ZNF808: variants seen among roughly 807,000 people sequenced by gnomAD.
ZNF808 encodes the protein zinc finger protein 808.
In ZNF808, 5 loss-of-function variants were observed where a neutral mutation model predicts 8.7. That is an observed-to-expected ratio of 0.58 (90% CI 0.30 to 1.21). ZNF808 has a LOEUF of 1.21. ZNF808 is among the 50% of genes most tolerant of loss of function. The pLI, the probability that ZNF808 is intolerant of heterozygous loss-of-function variation, is 0.07. For synonymous variants in ZNF808, 380 were observed against 366.0 expected, an observed-to-expected ratio of 1.04 and a Z score of -0.44; for missense variants, 1,103 against 1,098.4, an observed-to-expected ratio of 1.00 and a Z score of -0.06.
At chr19:52,541,371 A>G (rs2059669063) in intron 2 of ZNF808, among the ~76,000 whole-genome samples, 1 of 151,550 alleles carries the variant, frequency 6.6e-6, no homozygotes, top group Non-Finnish European at 1.5e-5. Context: ...ACCGCTCCTG[A>G]CTGGTCTGGA....
intron 2 of ZNF808, among the ~76,000 whole-genome samples, chr19:52,541,042 C>G (rs548029935): frequency 6.3e-4 from 96 of 152,128 alleles, no homozygotes; most frequent in Non-Finnish European, 1.1e-3. Flanking sequence ...ACCTCTACCT[C>G]CTGGGTTCAA....
At chr19:52,551,372 A>G (rs1415754294) in intron 4 of ZNF808, among the ~76,000 whole-genome samples, 1 of 151,318 alleles carries the variant, frequency 6.6e-6, no homozygotes, top group Non-Finnish European at 1.5e-5. Flanking sequence ...AAAAAAAAAA[A>G]GTTAGCCAGG....
Position 52,554,877 on chromosome 19 carries a change from A to G in ZNF808, c.1961A>G (p.Asn654Ser), listed in dbSNP as rs2059819031. Residue 654 changes from asparagine to serine, a missense_variant, in exon 5 of 5, where the codon AAT becomes AGT. By Grantham distance (46) the Asn-to-Ser change is conservative (BLOSUM62 1). Transcript: ENST00000359798. ...IHTGEKTYKC[N>S]ECGKTFSYKS... ...ACTGGAGAAAAAACTTACAAGTGTA[A>G]TGAGTGTGGGAAGACCTTCAGTTAC... 1.2e-6 allele frequency: 2 copies of G among 1,614,126 alleles called. No homozygotes were observed. Among genetic ancestry groups the G allele is most frequent in the Non-Finnish European group, 8.5e-7 (1 of 1,180,046 alleles).
At chr19:52,551,697 G>A (rs1034569830) in intron 4 of ZNF808, among the ~76,000 whole-genome samples, 1 of 152,034 alleles carries the variant, frequency 6.6e-6, no homozygotes, top group Non-Finnish European at 1.5e-5. Flanking sequence ...CTGACACACT[G>A]CACTCGTTAA....
chr19:52,541,480 C>T (rs1466076079), intron 2 of ZNF808, among the ~76,000 whole-genome samples: 1 of 151,942 alleles, frequency 6.6e-6, no homozygotes, highest in Non-Finnish European at 1.5e-5. Context: ...CAGAGCATCT[C>T]AGAATAACTT....
chr19:52,536,108 T>A (rs656541), intron 2 of ZNF808: 51,357 of 152,864 alleles, frequency 0.34, 9,439 homozygotes, highest in East Asian at 0.52. Context: ...CGTCTGTCCC[T>A]GGAAAGTGGG....
intron 1 of ZNF808, among the ~76,000 whole-genome samples, chr19:52,530,433 G>A (rs1286395150): frequency 1.3e-5 from 2 of 151,610 alleles, no homozygotes; most frequent in Non-Finnish European, 2.9e-5. Context: ...GGAGACAGAG[G>A]TGGGTGGATC....
chr19:52,538,507 G>C (rs1425717995), intron 2 of ZNF808, among the ~76,000 whole-genome samples: 2 of 150,650 alleles, frequency 1.3e-5, no homozygotes, highest in Non-Finnish European at 2.9e-5. Flanking sequence ...ACCATGCCCT[G>C]CTAATTTTGG....
chr19:52,531,189 C>A (rs1349423127), intron 1 of ZNF808, among the ~76,000 whole-genome samples: 1 of 152,068 alleles, frequency 6.6e-6, no homozygotes, highest in East Asian at 1.9e-4. Flanking sequence ...AAGCAGTAGT[C>A]CTGGCCATGT....
At chr19:52,559,849 C>G (rs2059850627), downstream of ZNF808, among the ~76,000 whole-genome samples, 1 of 152,064 alleles carries the variant, frequency 6.6e-6, no homozygotes, top group African/African-American at 2.4e-5. Flanking sequence ...GCCTGAGCCT[C>G]TCGAGTAGCT....
chr19:52,528,835 T>G lies in ZNF808; in HGVS notation c.-122+1124T>G, dbSNP rs142768946. ...GCAGAGATGGGTGAAGAGGCAGAAA[T>G]AGATGGAGATTGAGGACGATTGAAA... On this transcript the variant is annotated intron_variant, in intron 1 of 4. Transcript: ENST00000359798. Among the ~76,000 whole-genome samples, 727 of 150,780 alleles carry G rather than the reference T, an allele frequency of 4.8e-3. 5 individuals carry two copies. Among genetic ancestry groups the G allele is most frequent in the African/African-American group, 0.017 (691 of 40,988 alleles).
downstream of ZNF808, among the ~76,000 whole-genome samples, chr19:52,557,616 G>A (rs994622243): frequency 2.0e-5 from 3 of 152,320 alleles, no homozygotes; most frequent in Middle Eastern, 3.4e-3. Context: ...CAGTTCTACA[G>A]TTGACCTTCT....
At chr19:52,557,270 CTT>C (rs770756121), downstream of ZNF808, among the ~76,000 whole-genome samples, 9 of 142,058 alleles carry the variant, frequency 6.3e-5, no homozygotes, top group Admixed American at 1.4e-4. Context: ...TGCCCCGCCT[CTT>C]TTTTTTTTTT....
rs776294152 is a variant in ZNF808 at position 52,554,754 on chromosome 19, A to G, written c.1838A>G (p.His613Arg). The change falls in exon 5 of 5, where the codon CAT (histidine) becomes CGT (arginine). Residue 613 changes from histidine (H) to arginine (R), a missense_variant. His to Arg is a conservative substitution (Grantham distance 29). Coordinates refer to ENST00000359798, the MANE Select transcript of ZNF808 (RefSeq NM_001039886.4). ...GGTCAGAAATCAGCTCTTGAGTCACATAAGAGAATTCATACTGGAGAGAAA... is the reference window on the plus strand; with the variant it reads ...GGTCAGAAATCAGCTCTTGAGTCACGTAAGAGAATTCATACTGGAGAGAAA... ...VFGQKSALES[H>R]KRIHTGEKPY... The G allele has an allele frequency of 3.7e-6, 6 of 1,613,818 alleles. No homozygotes were observed. The highest frequency in any genetic ancestry group is 5.1e-6 in the Non-Finnish European group (6 of 1,179,922).
At chr19:52,544,784 T>C (rs1279060462) in intron 3 of ZNF808, among the ~76,000 whole-genome samples, 1 of 152,152 alleles carries the variant, frequency 6.6e-6, no homozygotes, top group African/African-American at 2.4e-5. Flanking sequence ...CCAGCTTGGC[T>C]GGACTCTGCA....
intron 1 of ZNF808, among the ~76,000 whole-genome samples, chr19:52,531,125 T>C (rs1278630126): frequency 9.2e-5 from 14 of 152,090 alleles, no homozygotes; most frequent in Admixed American, 7.9e-4. Flanking sequence ...TGACTTGGTC[T>C]CAAAAAAACA....
intron 2 of ZNF808, among the ~76,000 whole-genome samples, chr19:52,538,123 TCA>T (rs1485119631): frequency 6.6e-6 from 1 of 152,014 alleles, no homozygotes; most frequent in Non-Finnish European, 1.5e-5. Flanking sequence ...CGATCCTCCC[TCA>T]GTCTCCTGAG....
exon 4 of ZNF808, chr19:52,564,305 T>A: frequency 3.1e-6 from 2 of 649,382 alleles, no homozygotes. Context: ...GCTGAAAATG[T>A]CACTACCATC....
intron 4 of ZNF808, among the ~76,000 whole-genome samples, chr19:52,551,219 G>T (rs571721918): frequency 6.6e-6 from 1 of 152,084 alleles, no homozygotes; most frequent in Non-Finnish European, 1.5e-5. Flanking sequence ...GGGCGTTTTG[G>T]TATGCACCTG....
Sources: gnomAD v4.1 joint callset for allele counts (sites outside exome capture counted in the v4.1 genomes callset) on GRCh38, gnomAD v4.1.1 for gene constraint, MANE v1.5 for transcripts, NCBI Gene and HGNC (gene_info 2026-07-23, HGNC 2026-07-21) for gene names.